ASCC3: variants seen among roughly 807,000 people sequenced by gnomAD.
ASCC3 encodes the protein ASC-1 complex subunit P200.
ASCC3 carries 158 observed loss-of-function variants against 256.3 expected under a neutral mutation model. The observed-to-expected ratio is 0.62, with a 90% CI of 0.54 to 0.70. ASCC3 has a LOEUF of 0.70. Among genes scored for constraint, ASCC3 ranks in the 30% least tolerant of loss-of-function variants. The pLI, the probability that ASCC3 is intolerant of heterozygous loss-of-function variation, is 0.00. For missense variants in ASCC3, 2,259 were observed against 2,626.0 expected, an observed-to-expected ratio of 0.86 and a Z score of 3.05; for synonymous variants, 948 against 883.4, an observed-to-expected ratio of 1.07 and a Z score of -1.30.
intron 30 of ASCC3, among the ~76,000 whole-genome samples, chr6:100,622,074 G>T (rs1461525484): frequency 6.6e-6 from 1 of 151,986 alleles, no homozygotes; most frequent in Non-Finnish European, 1.5e-5. Context: ...ACTACACTGG[G>T]GCCTGTTGAG....
Position 100,760,046 on chromosome 6 carries a change from T to A in ASCC3, c.1737+6519A>T, listed in dbSNP as rs9498327. Among the ~76,000 whole-genome samples the A allele has an allele frequency of 4.9e-3, 739 of 152,112 alleles. 9 individuals are homozygous for A. Among genetic ancestry groups the A allele is most frequent in the African/African-American group, 0.017 (716 of 41,514 alleles). On this transcript the variant is annotated intron_variant, in intron 10 of 41. Coordinates refer to ENST00000369162, the MANE Select transcript of ASCC3 (RefSeq NM_006828.4). ...CCAAGTTGCTTATTAGTTTAAGGAG[T>A]TTTGGGGCTGAGCTGATAGTGTTTT...
At chr6:100,738,802 T>C (rs570506622) in intron 10 of ASCC3, among the ~76,000 whole-genome samples, 2 of 152,282 alleles carry the variant, frequency 1.3e-5, no homozygotes, top group African/African-American at 2.4e-5. Context: ...TATCCTGAGA[T>C]ATTGCTAAAG....
intron 30 of ASCC3, among the ~76,000 whole-genome samples, chr6:100,610,899 C>T (rs1288115195): frequency 6.6e-6 from 1 of 152,154 alleles, no homozygotes; most frequent in African/African-American, 2.4e-5. Context: ...TCAATTTACA[C>T]TACAAGGAAC....
At chr6:100,722,803 G>A (rs919995105) in intron 11 of ASCC3, among the ~76,000 whole-genome samples, 2 of 151,620 alleles carry the variant, frequency 1.3e-5, no homozygotes, top group Admixed American at 1.3e-4. Flanking sequence ...AGATTATTGT[G>A]GTATAGCTCC....
intron 36 of ASCC3, among the ~76,000 whole-genome samples, chr6:100,580,786 T>C (rs1384029307): frequency 7.4e-6 from 1 of 135,230 alleles, no homozygotes; most frequent in Non-Finnish European, 1.5e-5. Flanking sequence ...CCTGTGTCCA[T>C]GTGTTCTCAT....
At chr6:100,717,988 G>T in intron 12 of ASCC3, 87 bp downstream of exon 12, 1 of 1,297,432 alleles carries the variant, frequency 7.7e-7, no homozygotes, top group South Asian at 1.3e-5. Flanking sequence ...AGGCTGAAAT[G>T]GTCTTTTGGA....
rs147255841 is a variant in ASCC3, at chr6:100,627,651, T to C, written c.4581A>G (p.Gln1527=). 7.5e-5 allele frequency: 121 copies of C among 1,613,514 alleles called. 2 individuals are homozygous for C. In the Middle Eastern group the frequency reaches 3.0e-3, roughly 40 times the overall value. ...VRPVPLEVHI[Q]GFPGQHYCPR... ...GACAGTAATGTTGACCTGGAAAGCC[T>C]TGAATGTGAACTTCCAGTGGAACTG... The change falls in exon 29 of 42, where the codon CAA becomes CAG. Residue 1527 remains glutamine (Q), a synonymous_variant. Coordinates refer to ENST00000369162, the MANE Select transcript of ASCC3 (RefSeq NM_006828.4).
At chr6:100,804,402 T>C (rs1207068064) in intron 5 of ASCC3, among the ~76,000 whole-genome samples, 2 of 152,078 alleles carry the variant, frequency 1.3e-5, no homozygotes, top group African/African-American at 4.8e-5. Context: ...ATAGTAAGTA[T>C]ATATATTTTT....
chr6:100,596,972 CTTG>C (rs1206679012), intron 34 of ASCC3, among the ~76,000 whole-genome samples: 1 of 152,140 alleles, frequency 6.6e-6, no homozygotes, highest in Non-Finnish European at 1.5e-5. Context: ...ACATCTTTTC[CTTG>C]TTGTTCCTTG....
At chr6:100,664,105 C>T (rs913902929) in intron 14 of ASCC3, among the ~76,000 whole-genome samples, 2 of 152,046 alleles carry the variant, frequency 1.3e-5, no homozygotes, top group African/African-American at 2.4e-5. Flanking sequence ...AAATTAAAGA[C>T]CTTAGATTAA....
chr6:100,590,599 C>A (rs979156315), intron 34 of ASCC3, among the ~76,000 whole-genome samples: 3 of 152,078 alleles, frequency 2.0e-5, no homozygotes, highest in African/African-American at 7.2e-5. Context: ...CCTCCCTTTT[C>A]CCCATCCACA....
rs1010452929 is a variant in ASCC3 at position 100,508,638 on chromosome 6, A to C, written c.*748T>G. On this transcript the variant is annotated 3_prime_UTR_variant, in exon 42 of 42. Coordinates refer to ENST00000369162, the MANE Select transcript of ASCC3 (RefSeq NM_006828.4). ...ATAAATATGTCAGAAAGATAATAGA[A>C]ATAAAGCCTTGAAGTAGAAGGGAAA... is the stretch of plus-strand genomic sequence containing the variant. The C allele has an allele frequency of 2.0e-4, 30 of 152,200 alleles. No homozygotes were observed. Among genetic ancestry groups the C allele is most frequent in the African/African-American group, 7.2e-4 (30 of 41,456 alleles). The allele number at this position is 152,200 out of a possible 1,614,324, so 9.4% of individuals were successfully genotyped here.
At chr6:100,532,136 G>C (rs1774907441) in intron 37 of ASCC3, among the ~76,000 whole-genome samples, 1 of 151,230 alleles carries the variant, frequency 6.6e-6, no homozygotes, top group Non-Finnish European at 1.5e-5. Flanking sequence ...CAGACAAACA[G>C]TCCATTTTTA....
chr6:100,569,205 C>T (rs983675619), intron 36 of ASCC3, among the ~76,000 whole-genome samples: 4 of 151,904 alleles, frequency 2.6e-5, no homozygotes, highest in South Asian at 4.2e-4. Flanking sequence ...TATGGGCTAG[C>T]GAGTTTATTG....
rs1354858558 is a variant in ASCC3, at chr6:100,509,151, T to C, written c.*235A>G. ...AAAGATTATTCTAAATGCTTTTTCA[T>C]CTTACATATCAAGAAACTCATAAAG... is the stretch of plus-strand genomic sequence containing the variant. On this transcript the variant is annotated 3_prime_UTR_variant, in exon 42 of 42. Transcript: ENST00000369162. 2 of 533,396 alleles carry C rather than the reference T, an allele frequency of 3.7e-6. No individual in the cohort carries two copies. The highest frequency in any genetic ancestry group is 6.7e-6 in the Non-Finnish European group (2 of 297,594). 33.0% of individuals were successfully genotyped at this position (533,396 alleles called of 1,614,324 possible).
At chr6:100,549,288 A>G (rs1769174604) in intron 36 of ASCC3, among the ~76,000 whole-genome samples, 1 of 152,026 alleles carries the variant, frequency 6.6e-6, no homozygotes, top group South Asian at 2.1e-4. Flanking sequence ...ATTGATAAAT[A>G]TTTGTTAATT....
intron 20 of ASCC3, among the ~76,000 whole-genome samples, chr6:100,649,001 A>T (rs1775525961): frequency 6.6e-6 from 1 of 151,906 alleles, no homozygotes; most frequent in Non-Finnish European, 1.5e-5. Context: ...AGTTTAAAAA[A>T]TATAGAAGAA....
At position 100,699,094 on chromosome 6, in the gene ASCC3, T is replaced by A. The variant is rs1355934061; in HGVS notation, c.2151+16368A>T. Among the ~76,000 whole-genome samples, 4 of 152,298 alleles carry A rather than the reference T, an allele frequency of 2.6e-5. No individual in the cohort carries two copies. In the East Asian group the frequency reaches 7.7e-4, roughly 29 times the overall value. Reference sequence around the variant, plus strand: ...TAGCCTAGGTACATGGTAGGCTATATCATCTAGGTTTGTGAAAGTACACTC... The same window carrying A: ...TAGCCTAGGTACATGGTAGGCTATAACATCTAGGTTTGTGAAAGTACACTC... On this transcript the variant is annotated intron_variant, in intron 13 of 41. Coordinates refer to ENST00000369162, the MANE Select transcript of ASCC3 (RefSeq NM_006828.4).
intron 8 of ASCC3, among the ~76,000 whole-genome samples, chr6:100,795,665 T>A (rs182245831): frequency 5.3e-5 from 8 of 152,298 alleles, no homozygotes; most frequent in Admixed American, 5.2e-4. Flanking sequence ...TATTTTTGCA[T>A]GTACTAGAAT....
Sources: allele counts gnomAD v4.1 joint callset (sites outside exome capture counted in the v4.1 genomes callset), GRCh38; gene constraint gnomAD v4.1.1; transcripts MANE v1.5; gene names NCBI Gene and HGNC (gene_info 2026-07-23, HGNC 2026-07-21).